Variants in PPP2R3A observed in about 807,000 individuals in gnomAD.
PPP2R3A encodes the protein protein phosphatase 2 regulatory subunit B''alpha.
PPP2R3A carries 80 observed loss-of-function variants against 106.9 expected under a neutral mutation model. That is an observed-to-expected ratio of 0.75 (90% CI 0.62 to 0.90). The LOEUF (loss-of-function observed/expected upper bound fraction) is 0.90. Ranked by LOEUF, PPP2R3A falls within the 40% of genes least tolerant of loss-of-function variation. PPP2R3A has a pLI of 0.00. For synonymous variants in PPP2R3A, 483 were observed against 468.3 expected (o/e 1.03, Z -0.41); for missense variants, 1,386 against 1,350.4 (o/e 1.03, Z -0.41).
At chr3:136,066,133 T>C (rs1453025571) in intron 5 of PPP2R3A, among the ~76,000 whole-genome samples, 1 of 152,178 alleles carries the variant, frequency 6.6e-6, no homozygotes, top group African/African-American at 2.4e-5. Context: ...ATAGAATAAA[T>C]ACAGATATTT....
intron 3 of PPP2R3A, among the ~76,000 whole-genome samples, 188 bp downstream of exon 3, chr3:136,027,286 C>A (rs1347327087): frequency 6.6e-6 from 1 of 151,980 alleles, no homozygotes; most frequent in African/African-American, 2.4e-5. Context: ...TATAAGAATC[C>A]CTTCCAAGAC....
chr3:136,027,774 C>T (rs1258656391), intron 3 of PPP2R3A, among the ~76,000 whole-genome samples: 1 of 152,102 alleles, frequency 6.6e-6, no homozygotes, highest in East Asian at 1.9e-4. Context: ...TTTTATTATG[C>T]ATAAATATTG....
chr3:136,088,937 G>GT (rs1186273027), intron 9 of PPP2R3A, among the ~76,000 whole-genome samples: 1 of 151,828 alleles, frequency 6.6e-6, no homozygotes. Context: ...AAATGGGGTT[G>GT]TTTTTTGCTT....
At chr3:135,992,843 G>A (rs1164269168) in intron 1 of PPP2R3A, among the ~76,000 whole-genome samples, 3 of 152,108 alleles carry the variant, frequency 2.0e-5, no homozygotes, top group African/African-American at 4.8e-5. Flanking sequence ...GAGAAACGGG[G>A]CAAAGCACAA....
At chr3:136,005,875 C>G (rs115176930) in intron 2 of PPP2R3A, among the ~76,000 whole-genome samples, 1,550 of 152,252 alleles carry the variant, frequency 0.01, 19 homozygotes, top group Non-Finnish European at 0.015. Context: ...ATTCCAATAT[C>G]TTAAAACCAT....
Position 136,146,093 on chromosome 3 carries a change from TC to T in PPP2R3A, c.*928del, listed in dbSNP as rs1477960611. ...ATTAGACTAGCTAATAGTAAAGGCC[TC>T]AACGTTATTCTTTACTTCATGTTGA... On this transcript the variant is annotated 3_prime_UTR_variant, in exon 14 of 14. Coordinates refer to ENST00000264977, the MANE Select transcript of PPP2R3A (RefSeq NM_002718.5). 1.3e-5 allele frequency: 2 copies of T among 152,176 alleles called. No individual in the cohort carries two copies. Among genetic ancestry groups the T allele is most frequent in the African/African-American group, 4.8e-5 (2 of 41,424 alleles). 9.4% of individuals were successfully genotyped at this position (152,176 alleles called of 1,614,324 possible). A position where few individuals can be genotyped will look rare whatever the true frequency, so the allele number is the denominator to read the frequency against.
At chr3:135,968,333 CAG>C (rs1446945961) in intron 1 of PPP2R3A, among the ~76,000 whole-genome samples, 1 of 152,120 alleles carries the variant, frequency 6.6e-6, no homozygotes, top group East Asian at 1.9e-4. Flanking sequence ...GTGCATAAAA[CAG>C]ATGTCCTGAT....
Position 136,143,800 on chromosome 3 carries a change from AACAC to A in PPP2R3A, c.3330-1237_3330-1234del, listed in dbSNP as rs560108357. On this transcript the variant is annotated intron_variant, in intron 13 of 13. Coordinates refer to ENST00000264977, the MANE Select transcript of PPP2R3A (RefSeq NM_002718.5). ...AGCGAGACTCCATCTCAAAAGAAAAAACACACACAATGTTTTAGGAACTTGAATA... is the reference window on the plus strand; with the variant it reads ...AGCGAGACTCCATCTCAAAAGAAAAAACACAATGTTTTAGGAACTTGAATA... Among the ~76,000 whole-genome samples, 300 of 152,198 alleles carry A rather than the reference AACAC, an allele frequency of 2.0e-3. 1 individual carries two copies. Among genetic ancestry groups the A allele is most frequent in the African/African-American group, 6.9e-3 (285 of 41,544 alleles).
At chr3:136,106,122 A>AT (rs1937511471) in intron 12 of PPP2R3A, 94 bp from the exon 13 acceptor site, 2 of 1,024,208 alleles carry the variant, frequency 2.0e-6, no homozygotes, top group Non-Finnish European at 2.9e-6. Flanking sequence ...TTCAGGTAGG[A>AT]TTTTTTCAGC....
At chr3:136,020,591 A>T (rs912723706) in intron 2 of PPP2R3A, among the ~76,000 whole-genome samples, 15 of 151,692 alleles carry the variant, frequency 9.9e-5, no homozygotes, top group African/African-American at 3.6e-4. Context: ...GTTTTTTTTT[A>T]ATTTTAGAAC....
Position 136,003,282 on chromosome 3 carries a change from TG to T in PPP2R3A, c.1786del (p.Glu596LysfsTer10). ...EEDRALLLRILESIEDFAQEL... is the reference protein window; with the variant it reads ...EEDRALLLRIXESIEDFAQEL... Reference sequence around the variant, plus strand: ...GATCGAGCCCTCTTACTGCGAATCCTGGAAAGCATTGAAGACTTTGCTCAAG... The same window carrying T: ...GATCGAGCCCTCTTACTGCGAATCCTGAAAGCATTGAAGACTTTGCTCAAG... On this transcript the variant is annotated frameshift_variant, in exon 2 of 14. Transcript: ENST00000264977. LOFTEE classifies it high-confidence loss of function. 1 of 1,613,944 alleles carries T rather than the reference TG, an allele frequency of 6.2e-7. No homozygotes were observed. The highest frequency in any genetic ancestry group is 8.5e-7 in the Non-Finnish European group (1 of 1,179,922).
chr3:136,128,340 C>CA (rs1156708467), intron 13 of PPP2R3A, among the ~76,000 whole-genome samples: 390 of 103,714 alleles, frequency 3.8e-3, no homozygotes, highest in South Asian at 0.024. Context: ...AAATGGAAAG[C>CA]AAAAAAAAAA....
chr3:136,063,469 A>G (rs540292808), intron 5 of PPP2R3A, among the ~76,000 whole-genome samples: 1,661 of 152,320 alleles, frequency 0.011, 24 homozygotes, highest in African/African-American at 0.033. Context: ...AGAAACTACC[A>G]TCAGAGTGAA....
chr3:136,138,029 T>A (rs1229664942), intron 13 of PPP2R3A, among the ~76,000 whole-genome samples: 11 of 152,128 alleles, frequency 7.2e-5, no homozygotes, highest in Admixed American at 7.2e-4. Flanking sequence ...AATGGAGGCT[T>A]GTGTGTATAT....
At chr3:136,079,767 G>C (rs1227891594) in intron 7 of PPP2R3A, among the ~76,000 whole-genome samples, 1 of 146,964 alleles carries the variant, frequency 6.8e-6, no homozygotes, top group African/African-American at 2.5e-5. Flanking sequence ...TTTTACCAGT[G>C]ATAAAATTTG....
At chr3:136,077,805 CA>C (rs1936645745) in intron 6 of PPP2R3A, among the ~76,000 whole-genome samples, 1 of 152,124 alleles carries the variant, frequency 6.6e-6, no homozygotes, top group Non-Finnish European at 1.5e-5. Context: ...ATTAAAACAC[CA>C]GCTAATAACA....
At chr3:135,974,110 T>G (rs1937326083) in intron 1 of PPP2R3A, among the ~76,000 whole-genome samples, 1 of 152,222 alleles carries the variant, frequency 6.6e-6, no homozygotes, top group Admixed American at 6.5e-5. Context: ...AAACGCGTCC[T>G]TCATTTAGCT....
chr3:136,023,824 G>A (rs1934553180), intron 2 of PPP2R3A, among the ~76,000 whole-genome samples: 1 of 152,040 alleles, frequency 6.6e-6, no homozygotes, highest in Admixed American at 6.6e-5. Flanking sequence ...CCTATGATGA[G>A]TACTTTGCAG....
At chr3:136,134,751 T>A (rs927871898) in intron 13 of PPP2R3A, among the ~76,000 whole-genome samples, 1 of 140,764 alleles carries the variant, frequency 7.1e-6, no homozygotes. Flanking sequence ...TGGGAAAAAA[T>A]TATTTTTCTC....
Sources: gnomAD v4.1 joint callset for allele counts (sites outside exome capture counted in the v4.1 genomes callset) on GRCh38, gnomAD v4.1.1 for gene constraint, MANE v1.5 for transcripts, NCBI Gene and HGNC (gene_info 2026-07-23, HGNC 2026-07-21) for gene names.